FREM3: variants seen among roughly 807,000 people sequenced by gnomAD.
FREM3 encodes FRAS1 related extracellular matrix 3.
A neutral mutation model predicts 129.1 loss-of-function variants in FREM3; 105 were observed. That is an observed-to-expected ratio of 0.81 (90% CI 0.69 to 0.96). The LOEUF is 0.96. FREM3 is among the 40% of genes least tolerant of loss of function. FREM3 has a pLI of 0.00. For synonymous variants in FREM3, 1,014 were observed against 1,044.9 expected (o/e 0.97, Z 0.57); for missense variants, 2,593 against 2,666.3 (o/e 0.97, Z 0.61).
intron 2 of FREM3, among the ~76,000 whole-genome samples, chr4:143,676,906 TGGA>T (rs1421928592): frequency 6.6e-6 from 1 of 152,062 alleles, no homozygotes; most frequent in Non-Finnish European, 1.5e-5. Context: ...TACAAACAAA[TGGA>T]AGAACATTCC....
intron 6 of FREM3, among the ~76,000 whole-genome samples, chr4:143,587,675 C>A (rs1738266091): frequency 1.3e-5 from 2 of 152,156 alleles, no homozygotes; most frequent in Admixed American, 6.5e-5. Context: ...CTTTCTTGAA[C>A]ACTTTCATGG....
chr4:143,593,328 T>C (rs1213839319), intron 6 of FREM3, among the ~76,000 whole-genome samples: 5 of 152,162 alleles, frequency 3.3e-5, no homozygotes, highest in Non-Finnish European at 4.4e-5. Context: ...TTAGAGTTTC[T>C]GGTTTTTCTG....
intron 2 of FREM3, among the ~76,000 whole-genome samples, chr4:143,630,542 C>T (rs1739118101): frequency 6.6e-6 from 1 of 152,080 alleles, no homozygotes; most frequent in Non-Finnish European, 1.5e-5. Flanking sequence ...ATGCCTTGAG[C>T]AAGATAAGAA....
intron 6 of FREM3, among the ~76,000 whole-genome samples, chr4:143,607,353 A>G (rs1014195106): frequency 6.6e-6 from 1 of 152,068 alleles, no homozygotes; most frequent in Non-Finnish European, 1.5e-5. Flanking sequence ...ACACAGCACA[A>G]ATGGTACTTT....
At chr4:143,648,243 C>G (rs1739453304) in intron 2 of FREM3, among the ~76,000 whole-genome samples, 1 of 152,184 alleles carries the variant, frequency 6.6e-6, no homozygotes, top group Non-Finnish European at 1.5e-5. Context: ...TAGGAAGTAG[C>G]TAACTTGCTT....
At chr4:143,672,549 T>C (rs4835595) in intron 2 of FREM3, among the ~76,000 whole-genome samples, 1,767 of 152,314 alleles carry the variant, frequency 0.012, 81 homozygotes, top group Admixed American at 0.082. Context: ...TCAACTTTGG[T>C]GAATCTGACA....
intron 2 of FREM3, among the ~76,000 whole-genome samples, chr4:143,662,989 G>T (rs1370269865): frequency 6.6e-6 from 1 of 152,086 alleles, no homozygotes; most frequent in Non-Finnish European, 1.5e-5. Flanking sequence ...CTGCAGGTGA[G>T]ATGGGTTTCC....
chr4:143,697,268 G>T lies in FREM3; in HGVS notation c.3408C>A (p.Ile1136=). The change falls in exon 1 of 8, where the codon ATC becomes ATA. Residue 1136 remains isoleucine (I), a synonymous_variant. Transcript: ENST00000329798. ...GSKMSQSGSP[I]SAFSLRDIQV... ...GGATATCTCTGAGGGAGAAAGCACT[G>T]ATAGGGCTACCAGACTGGGACATTT... is the stretch of plus-strand genomic sequence containing the variant. 2.0e-6 allele frequency: 3 copies of T among 1,537,500 alleles called. No individual in the cohort carries two copies. The highest frequency in any genetic ancestry group is 4.9e-5 in the East Asian group (2 of 40,918).
intron 2 of FREM3, among the ~76,000 whole-genome samples, chr4:143,646,616 A>C (rs1445935881): frequency 6.6e-6 from 1 of 152,156 alleles, no homozygotes; most frequent in Non-Finnish European, 1.5e-5. Flanking sequence ...CAAGTGAAGA[A>C]GGACATGTTT....
intron 2 of FREM3, among the ~76,000 whole-genome samples, chr4:143,631,331 A>G (rs1387496513): frequency 7.5e-6 from 1 of 132,752 alleles, no homozygotes; most frequent in African/African-American, 4.0e-5. Flanking sequence ...ATAATGCTGT[A>G]TTTATTTATT....
rs76688542 is a variant in FREM3 at position 143,613,641 on chromosome 4, T to C, written c.5780-2114A>G. ...CTTACAACAATCTGATTAAATAGCA[T>C]ACAACTTTTGGAATGTCTTTTTAAA... On this transcript the variant is annotated intron_variant, in intron 5 of 7. Transcript: ENST00000329798. Among the ~76,000 whole-genome samples, 742 of 152,320 alleles carry C rather than the reference T, an allele frequency of 4.9e-3. 11 individuals carry two copies. Among genetic ancestry groups the C allele is most frequent in the African/African-American group, 0.017 (688 of 41,576 alleles).
intron 5 of FREM3, among the ~76,000 whole-genome samples, chr4:143,620,681 G>A (rs1430052608): frequency 1.3e-5 from 2 of 152,236 alleles, no homozygotes; most frequent in South Asian, 4.2e-4. Flanking sequence ...TTAAAAATAC[G>A]AATCTTTAAT....
At chr4:143,691,421 A>T (rs1007217415) in intron 2 of FREM3, among the ~76,000 whole-genome samples, 1 of 151,454 alleles carries the variant, frequency 6.6e-6, no homozygotes, top group African/African-American at 2.5e-5. Flanking sequence ...GAAAAATTAA[A>T]AAAAAAAGAA....
chr4:143,577,802 C>T lies in FREM3; in HGVS notation c.6229G>A (p.Val2077Met), dbSNP rs200842117. Residue 2077 changes from valine to methionine, a missense_variant, in exon 8 of 8, where the codon GTG becomes ATG. By Grantham distance (21) the Val-to-Met change is conservative. This residue lies in a region of FREM3 where 317 missense variants were observed against 399.0 expected (regional missense o/e 0.79). Coordinates refer to ENST00000329798, the MANE Select transcript of FREM3 (RefSeq NM_001168235.2). ...GTCACTTGGAATGTCTGCATGCGCA[C>T]GCCTGGAGCAAAGTCCAGGTTTCGG... Reference protein sequence around the residue: ...ISRNLDFAPGVRMQTFQVTIL... With the variant: ...ISRNLDFAPGMRMQTFQVTIL... 464 of 1,537,248 alleles carry T rather than the reference C, an allele frequency of 3.0e-4. No individual in the cohort carries two copies. The highest frequency in any genetic ancestry group is 3.6e-4 in the Non-Finnish European group (418 of 1,146,886).
intron 2 of FREM3, among the ~76,000 whole-genome samples, chr4:143,675,921 T>C (rs1036089896): frequency 3.3e-5 from 5 of 151,902 alleles, no homozygotes; most frequent in African/African-American, 7.3e-5. Flanking sequence ...CCAAAAAAAG[T>C]CCAGGACCAG....
intron 7 of FREM3, among the ~76,000 whole-genome samples, chr4:143,580,018 A>T (rs527391723): frequency 6.6e-6 from 1 of 152,334 alleles, no homozygotes; most frequent in South Asian, 2.1e-4. Flanking sequence ...AAAGAAGTCC[A>T]CCTAACCAAA....
chr4:143,631,443 A>G (rs1739138745), intron 2 of FREM3, among the ~76,000 whole-genome samples: 1 of 152,140 alleles, frequency 6.6e-6, no homozygotes, highest in South Asian at 2.1e-4. Flanking sequence ...TCCCAGGTTC[A>G]AGTGATTCTC....
At chr4:143,634,667 G>T (rs975713559) in intron 2 of FREM3, among the ~76,000 whole-genome samples, 8 of 152,138 alleles carry the variant, frequency 5.3e-5, no homozygotes, top group Non-Finnish European at 8.8e-5. Flanking sequence ...TCACTTGCTG[G>T]AGAAAGGGTG....
chr4:143,666,957 G>T (rs1215259795), intron 2 of FREM3, among the ~76,000 whole-genome samples: 2 of 152,140 alleles, frequency 1.3e-5, no homozygotes, highest in Non-Finnish European at 1.5e-5. Flanking sequence ...TGGGCAAATT[G>T]TATGGTATAT....
Sources: gnomAD v4.1 joint callset for allele counts (sites outside exome capture counted in the v4.1 genomes callset) on GRCh38, gnomAD v4.1.1 for gene constraint, gnomAD v4.1.1 regional missense constraint, MANE v1.5 for transcripts, NCBI Gene and HGNC (gene_info 2026-07-23, HGNC 2026-07-21) for gene names.